Variants in KRT8 observed in about 807,000 individuals in gnomAD.
The protein encoded by KRT8 is keratin 8.
KRT8 carries 24 observed loss-of-function variants against 43.0 expected under a neutral mutation model. That is an observed-to-expected ratio of 0.56 (90% CI 0.40 to 0.78). The LOEUF is 0.78. Ranked by LOEUF, KRT8 falls within the 30% of genes least tolerant of loss-of-function variation. The pLI is 0.00. For missense variants in KRT8, 492 were observed against 638.4 expected (o/e 0.77, Z 2.47); for synonymous variants, 214 against 261.2 (o/e 0.82, Z 1.74).
At chr12:52,926,364 T>G in intron 2 of KRT8, 2 of 484,024 alleles carry the variant, frequency 4.1e-6, no homozygotes, top group Non-Finnish European at 6.7e-6. Context: ...GACTGTGCCC[T>G]CCTCTCCTGA....
chr12:52,899,810 G>C (rs997730766), exon 5 of KRT8: 1 of 1,606,570 alleles, frequency 6.2e-7, no homozygotes, highest in African/African-American at 1.3e-5. Context: ...GCCTGGAGCC[G>C]GCTGATGTTC....
chr12:52,905,155 G>C (rs908911597), upstream of KRT8: 1 of 1,275,400 alleles, frequency 7.8e-7, no homozygotes, highest in African/African-American at 1.5e-5. Context: ...CCCAGAGGGG[G>C]CTGGGCCTAA....
At position 52,901,351 on chromosome 12, in the gene KRT8, C is replaced by G. The variant is rs1941365753; in HGVS notation, c.534-132G>C. 4 of 738,648 alleles carry G rather than the reference C, an allele frequency of 5.4e-6. No homozygotes were observed. In the Admixed American group the frequency reaches 7.6e-5, roughly 14 times the overall value. The allele number at this position is 738,648 out of a possible 1,614,324, so 45.8% of individuals were successfully genotyped here. A position where few individuals can be genotyped will look rare whatever the true frequency, so the allele number is the denominator to read the frequency against. On this transcript the variant is annotated intron_variant, in intron 2 of 7. Coordinates refer to ENST00000692008, the Ensembl canonical transcript of KRT8. ...AGATGCAGGATATGAGAAGGCTGGT[C>G]CTTCTGCCTTCCCCAGCTGCCCTCT...
chr12:52,905,187 G>C (rs1017252897), upstream of KRT8: 1 of 933,254 alleles, frequency 1.1e-6, no homozygotes, highest in African/African-American at 1.7e-5. Context: ...CCACCTCCGG[G>C]CAGGACTCAG....
At position 52,905,010 on chromosome 12, in the gene KRT8, C is replaced by T. The variant is rs771819471; in HGVS notation, c.-29G>A. 4.2e-5 allele frequency: 67 copies of T among 1,590,026 alleles called. No individual in the cohort carries two copies. In the Middle Eastern group the frequency reaches 2.0e-3, roughly 48 times the overall value. ...AGAGGCAGGAGTGGAGGCAGGCGGG[C>T]CGAACCAGGCGGAGATCCTAGAAGG... On this transcript the variant is annotated 5_prime_UTR_variant, in exon 1 of 8. Transcript: ENST00000692008.
intron 2 of KRT8, among the ~76,000 whole-genome samples, chr12:52,930,414 T>A (rs932499057): frequency 6.6e-6 from 1 of 152,078 alleles, no homozygotes; most frequent in Non-Finnish European, 1.5e-5. Context: ...AGAGATGGGG[T>A]TTCTCCATGT....
chr12:52,931,657 C>CATATATATAT lies in KRT8; in HGVS notation c.-47+17789_-47+17798dup, dbSNP rs34460731. ...CTTTCTCCACTACTCATTGGCTCCCCATATATATATATATATATATTTGAG... is the reference window on the plus strand; with the variant it reads ...CTTTCTCCACTACTCATTGGCTCCCCATATATATATATATATATATATATATATATTTGAG... On this transcript the variant is annotated intron_variant, in intron 2 of 6. Coordinates refer to the KRT8 transcript ENST00000546826. Among the ~76,000 whole-genome samples, 656 of 147,202 alleles carry CATATATATAT rather than the reference C, an allele frequency of 4.5e-3. 5 individuals are homozygous for CATATATATAT. The highest frequency in any genetic ancestry group is 0.014 in the African/African-American group (553 of 39,674).
At chr12:52,943,462 C>T (rs1942297821) in intron 2 of KRT8, among the ~76,000 whole-genome samples, 1 of 152,138 alleles carries the variant, frequency 6.6e-6, no homozygotes, top group South Asian at 2.1e-4. Flanking sequence ...TCTCCTCTTT[C>T]TCCTCTTCTC....
chr12:52,916,973 G>A (rs1941753068), intron 2 of KRT8, among the ~76,000 whole-genome samples: 1 of 152,186 alleles, frequency 6.6e-6, no homozygotes, highest in Admixed American at 6.6e-5. Flanking sequence ...CTGCCTGGAG[G>A]AATAGGGGAC....
At chr12:52,913,901 A>G (rs1039767377) in intron 2 of KRT8, among the ~76,000 whole-genome samples, 1 of 152,166 alleles carries the variant, frequency 6.6e-6, no homozygotes, top group Non-Finnish European at 1.5e-5. Context: ...CAGAGGTTTC[A>G]CTATATTGCC....
At chr12:52,919,281 G>T (rs930468408) in intron 2 of KRT8, among the ~76,000 whole-genome samples, 2 of 151,724 alleles carry the variant, frequency 1.3e-5, no homozygotes, top group African/African-American at 4.8e-5. Flanking sequence ...TTTTGTTTTT[G>T]AGACAGAGTC....
intron 2 of KRT8, among the ~76,000 whole-genome samples, chr12:52,925,489 C>T (rs1565728511): frequency 6.6e-6 from 1 of 152,140 alleles, no homozygotes; most frequent in African/African-American, 2.4e-5. Flanking sequence ...ACACCTCTTC[C>T]CCTGCAGGTA....
rs1941992471 is a variant in KRT8 at position 52,926,366 on chromosome 12, C to A, written c.-46-21339G>T. On this transcript the variant is annotated intron_variant, in intron 2 of 6. Transcript: ENST00000546826. Reference sequence around the variant, plus strand: ...ACCCCACCCCCAGGACTGTGCCCTCCTCTCCTGAAGCACCTCCTTGTCACC... The same window carrying A: ...ACCCCACCCCCAGGACTGTGCCCTCATCTCCTGAAGCACCTCCTTGTCACC... 3 of 1,480,452 alleles carry A rather than the reference C, an allele frequency of 2.0e-6. No homozygotes were observed. In the African/African-American group the frequency reaches 4.2e-5, roughly 21 times the overall value. The allele number at this position is 1,480,452 out of a possible 1,614,324, so 91.7% of individuals were successfully genotyped here. A position where few individuals can be genotyped will look rare whatever the true frequency, so the allele number is the denominator to read the frequency against.
chr12:52,904,918 T>A (rs767456684), exon 1 of KRT8: 16 of 1,612,464 alleles, frequency 9.9e-6, no homozygotes, highest in Non-Finnish European at 8.5e-7. Flanking sequence ...TAGGAGCGGC[T>A]GCTGAAGGCC....
chr12:52,906,005 C>T (rs926047435), upstream of KRT8, among the ~76,000 whole-genome samples: 5 of 152,152 alleles, frequency 3.3e-5, no homozygotes, highest in African/African-American at 9.7e-5. Flanking sequence ...CACTTGAACC[C>T]GGGAGGCAGA....
chr12:52,910,412 C>T (rs1299369597), upstream of KRT8, among the ~76,000 whole-genome samples: 4 of 152,206 alleles, frequency 2.6e-5, no homozygotes, highest in African/African-American at 9.7e-5. Flanking sequence ...ATCCACAGCA[C>T]TGCAGGTTCC....
rs1045027351 is a variant in KRT8 at position 52,902,273 on chromosome 12, C to A, written c.325-201G>T. ...ATGATGGTGAGGTGGGGAGCAATGT[C>A]CCTCAGCATTGGGTAGGGGAAGGAG... On this transcript the variant is annotated intron_variant, in intron 1 of 7. Transcript: ENST00000692008. The A allele has an allele frequency of 6.7e-6, 4 of 598,910 alleles. No individual in the cohort carries two copies. In the African/African-American group the frequency reaches 7.4e-5, roughly 11 times the overall value. The allele number at this position is 598,910 out of a possible 1,614,324, so 37.1% of individuals were successfully genotyped here. A position where few individuals can be genotyped will look rare whatever the true frequency, so the allele number is the denominator to read the frequency against.
chr12:52,902,328 T>C, intron 1 of KRT8: 1 of 516,552 alleles, frequency 1.9e-6, no homozygotes, highest in South Asian at 2.1e-5. Flanking sequence ...TAAAGCTGCA[T>C]TTGCAAACCA....
At chr12:52,934,918 G>A (rs1416454777) in intron 2 of KRT8, among the ~76,000 whole-genome samples, 2 of 151,806 alleles carry the variant, frequency 1.3e-5, no homozygotes, top group African/African-American at 4.8e-5. Context: ...GCAGTGAGCC[G>A]AGGTCGCACC....
Sources: allele counts gnomAD v4.1 joint callset (sites outside exome capture counted in the v4.1 genomes callset), GRCh38; gene constraint gnomAD v4.1.1; transcripts MANE v1.5; gene names NCBI Gene and HGNC (gene_info 2026-07-23, HGNC 2026-07-21).